DNAH10: variants seen among roughly 807,000 people sequenced by gnomAD.
The protein encoded by DNAH10 is dynein axonemal heavy chain 10.
In DNAH10, 348 loss-of-function variants were observed where a neutral mutation model predicts 506.6. The ratio of observed to expected loss-of-function variants is 0.69; its 90% confidence interval spans 0.63 to 0.75. The LOEUF is 0.75. Ranked by LOEUF, DNAH10 falls within the 30% of genes least tolerant of loss-of-function variation. The pLI is 0.00. For synonymous variants in DNAH10, 2,059 were observed against 2,198.6 expected (o/e 0.94, Z 1.78); for missense variants, 5,179 against 5,787.1 (o/e 0.89, Z 3.41).
intron 38 of DNAH10, among the ~76,000 whole-genome samples, 188 bp from the exon 39 acceptor site, chr12:123,860,824 A>G (rs1373896876): frequency 6.6e-6 from 1 of 152,176 alleles, no homozygotes; most frequent in Non-Finnish European, 1.5e-5. Flanking sequence ...TTTTTGGTGA[A>G]ATGTGGTTGC....
chr12:123,817,193 G>C (rs1959168293), intron 21 of DNAH10, among the ~76,000 whole-genome samples: 1 of 120,096 alleles, frequency 8.3e-6, no homozygotes. Context: ...AGGTTCTTTT[G>C]TTTTGTTTTG....
At position 123,848,019 on chromosome 12, in the gene DNAH10, A is replaced by G; in HGVS notation, c.5873A>G (p.Glu1958Gly). Reference sequence around the variant, plus strand: ...GGCCCAGCAGGAACCGGCAAAACCGAGACCACCAAGGACCTGGCGAAAGCC... The same window carrying G: ...GGCCCAGCAGGAACCGGCAAAACCGGGACCACCAAGGACCTGGCGAAAGCC... ...PAGPAGTGKT[E>G]TTKDLAKALG... Residue 1958 changes from glutamate to glycine, a missense_variant, in exon 33 of 79, where the codon GAG becomes GGG. This residue lies in a region of DNAH10 where 4,844 missense variants were observed against 5,430.5 expected (regional missense o/e 0.89). Coordinates refer to ENST00000673944, the MANE Select transcript of DNAH10 (RefSeq NM_001372106.1). The G allele has an allele frequency of 6.2e-7, 1 of 1,613,966 alleles. No individual in the cohort carries two copies. Among genetic ancestry groups the G allele is most frequent in the Non-Finnish European group, 8.5e-7 (1 of 1,179,864 alleles).
chr12:123,781,279 G>T lies in DNAH10; in HGVS notation c.821G>T (p.Arg274Ile). The T allele has an allele frequency of 1.9e-6, 3 of 1,612,306 alleles. No homozygotes were observed. Among genetic ancestry groups the T allele is most frequent in the Non-Finnish European group, 2.5e-6 (3 of 1,179,246 alleles). The change falls in exon 6 of 79, where the codon AGA becomes ATA. Residue 274 changes from arginine to isoleucine, a missense_variant. Coordinates refer to ENST00000673944, the MANE Select transcript of DNAH10 (RefSeq NM_001372106.1). ...NVQKFASNIQ[R>I]TMQQLEGEIK... The stretch of plus-strand genomic sequence containing the variant: ...CAGAAATTTGCAAGTAATATTCAAA[G>T]AACCATGCAGCAACTTGAAGGTAAG...
Position 123,864,143 on chromosome 12 carries a change from CTTT to C in DNAH10, c.6909-434_6909-432del, listed in dbSNP as rs770676668. 1.0e-3 allele frequency among the ~76,000 whole-genome samples: 119 copies of C among 117,166 alleles called. 1 individual carries two copies. The highest frequency in any genetic ancestry group is 3.3e-3 in the African/African-American group (102 of 31,194). 76.9% of individuals were successfully genotyped at this position (117,166 alleles called of 152,430 possible). A position where few individuals can be genotyped will look rare whatever the true frequency, so the allele number is the denominator to read the frequency against. On this transcript the variant is annotated intron_variant, in intron 39 of 78. Transcript: ENST00000673944. The stretch of plus-strand genomic sequence containing the variant: ...TGGCAAAGAACTCAAACTTTTTTTT[CTTT>C]TTTTTTTTTTTTTTTTTGAGACGGG...
chr12:123,801,043 G>C (rs1958464858), intron 15 of DNAH10, among the ~76,000 whole-genome samples: 1 of 151,988 alleles, frequency 6.6e-6, no homozygotes, highest in Non-Finnish European at 1.5e-5. Context: ...GTTTAAAATA[G>C]GGATCAACAA....
rs1186753774 is a variant in DNAH10, at chr12:123,783,247, C to T, written c.982C>T (p.Leu328=). ...GATATCCACAGCGGTTGAGGCCCAA[C>T]TGAAGAAGACACCTCAGGTAGTTTG... The part of the protein sequence containing the change: ...NQISTAVEAQ[L]KKTPQGKGPL... The change falls in exon 7 of 79, where the codon CTG becomes TTG. Residue 328 remains leucine (L), a synonymous_variant. Coordinates refer to ENST00000673944, the MANE Select transcript of DNAH10 (RefSeq NM_001372106.1). 2 of 1,613,932 alleles carry T rather than the reference C, an allele frequency of 1.2e-6. No homozygotes were observed. The highest frequency in any genetic ancestry group is 2.2e-5 in the East Asian group (1 of 44,894).
intron 12 of DNAH10, 55 bp from the exon 13 acceptor site, chr12:123,796,601 C>G (rs1958284529): frequency 2.0e-6 from 3 of 1,485,568 alleles, no homozygotes. Context: ...TCTCATCTTT[C>G]TTGGCTAACC....
chr12:123,809,347 TAAAC>T (rs1958836984), intron 19 of DNAH10, among the ~76,000 whole-genome samples: 1 of 152,038 alleles, frequency 6.6e-6, no homozygotes, highest in East Asian at 1.9e-4. Context: ...AGAATTACCT[TAAAC>T]AAATACAAAT....
In DNAH10 at chr12:123,924,345, A is replaced by C; in HGVS notation, c.11679A>C (p.Glu3893Asp). ...CTTGGTTGTCTGACCAAGGATGGGA[A>C]GATATCATTCTTTTATCAGAAATGT... Reference protein sequence around the residue: ...PCAWLSDQGWEDIILLSEMFS... With the variant: ...PCAWLSDQGWDDIILLSEMFS... Residue 3893 changes from glutamate (E) to aspartate (D), a missense_variant, in exon 67 of 79, where the codon GAA becomes GAC. By Grantham distance (45) the Glu-to-Asp change is conservative. Around this residue, in one of 3 missense-constraint regions of DNAH10, gnomAD observed 4,844 missense variants for 5,430.5 expected, o/e 0.89. Transcript: ENST00000673944. 1 of 1,613,672 alleles carries C rather than the reference A, an allele frequency of 6.2e-7. No individual in the cohort carries two copies. Among genetic ancestry groups the C allele is most frequent in the Admixed American group, 1.7e-5 (1 of 59,996 alleles).
intron 37 of DNAH10, among the ~76,000 whole-genome samples, chr12:123,857,854 G>A (rs1951459201): frequency 6.6e-6 from 1 of 152,148 alleles, no homozygotes; most frequent in East Asian, 1.9e-4. Flanking sequence ...CCCTACACCC[G>A]TTAACAGCTT....
chr12:123,898,556 G>A lies in DNAH10; in HGVS notation c.9479-97G>A. On this transcript the variant is annotated intron_variant, in intron 55 of 78. Transcript: ENST00000673944. ...ATGTGCCATCTTGTAAAAATGTTTT[G>A]TTTTGTTTTTGATAAGCTGAAGTTA... is the stretch of plus-strand genomic sequence containing the variant. The A allele has an allele frequency of 3.6e-6, 5 of 1,385,554 alleles. No homozygotes were observed. In the South Asian group the frequency reaches 4.8e-5, roughly 13 times the overall value. 85.8% of individuals were successfully genotyped at this position (1,385,554 alleles called of 1,614,324 possible). A position where few individuals can be genotyped will look rare whatever the true frequency, so the allele number is the denominator to read the frequency against.
chr12:123,883,955 A>C (rs986674399), intron 51 of DNAH10, among the ~76,000 whole-genome samples: 3 of 152,038 alleles, frequency 2.0e-5, no homozygotes. Flanking sequence ...GAACCTTTTG[A>C]TAAGTCCACC....
Position 123,908,230 on chromosome 12 carries a change from G to A in DNAH10, c.9816-1031G>A, listed in dbSNP as rs1189445858. 1.4e-5 allele frequency: 6 copies of A among 419,206 alleles called. No individual in the cohort carries two copies. In the East Asian group the frequency reaches 2.1e-4, roughly 15 times the overall value. 26.0% of individuals were successfully genotyped at this position (419,206 alleles called of 1,614,324 possible). The stretch of plus-strand genomic sequence containing the variant: ...CTCCCTGTCTCCTCCCTGTCTTCCT[G>A]TCTCCTCCCTGTCTCTCTGTCTCCT... On this transcript the variant is annotated intron_variant, in intron 57 of 78. Transcript: ENST00000673944.
intron 25 of DNAH10, among the ~76,000 whole-genome samples, chr12:123,828,092 A>G (rs1048238915): frequency 6.6e-6 from 1 of 151,830 alleles, no homozygotes; most frequent in African/African-American, 2.4e-5. Flanking sequence ...TTTCTTTTTT[A>G]TGGAAATGAA....
At position 123,848,025 on chromosome 12, in the gene DNAH10, C is replaced by A; in HGVS notation, c.5879C>A (p.Thr1960Asn). ...GPAGTGKTET[T>N]KDLAKALGLL... ...GCAGGAACCGGCAAAACCGAGACCA[C>A]CAAGGACCTGGCGAAAGCCTTGGGC... The change falls in exon 33 of 79, where the codon ACC (threonine) becomes AAC (asparagine). Residue 1960 changes from threonine (T) to asparagine (N), a missense_variant. Thr to Asn is a moderately conservative substitution (Grantham distance 65). Transcript: ENST00000673944. 2.5e-6 allele frequency: 4 copies of A among 1,614,024 alleles called. No homozygotes were observed. Among genetic ancestry groups the A allele is most frequent in the Non-Finnish European group, 3.4e-6 (4 of 1,179,882 alleles).
chr12:123,821,299 A>G (rs1028466031), intron 24 of DNAH10, among the ~76,000 whole-genome samples: 5 of 151,968 alleles, frequency 3.3e-5, no homozygotes, highest in African/African-American at 1.2e-4. Flanking sequence ...GCTGTGTGAC[A>G]TTGTGAAAGT....
intron 43 of DNAH10, among the ~76,000 whole-genome samples, chr12:123,868,987 G>A (rs1011090216): frequency 1.3e-5 from 2 of 152,194 alleles, no homozygotes; most frequent in Middle Eastern, 3.2e-3. Context: ...GACAATGTTG[G>A]CCTGCTTCCC....
At chr12:123,842,172 T>G (rs1383547914) in intron 30 of DNAH10, among the ~76,000 whole-genome samples, 1 of 152,220 alleles carries the variant, frequency 6.6e-6, no homozygotes, top group East Asian at 1.9e-4. Context: ...CCTGAGGATT[T>G]GTGTTTTTGC....
At chr12:123,886,350 G>A (rs1026254015) in intron 51 of DNAH10, among the ~76,000 whole-genome samples, 1 of 152,164 alleles carries the variant, frequency 6.6e-6, no homozygotes, top group Non-Finnish European at 1.5e-5. Flanking sequence ...TCAGAGAGTA[G>A]TGCCAGGAGC....
Sources: gnomAD v4.1 joint callset for allele counts (sites outside exome capture counted in the v4.1 genomes callset) on GRCh38, gnomAD v4.1.1 for gene constraint, gnomAD v4.1.1 regional missense constraint, MANE v1.5 for transcripts, NCBI Gene and HGNC (gene_info 2026-07-23, HGNC 2026-07-21) for gene names.